Variants in GALNTL6 observed in about 807,000 individuals in gnomAD.
GALNTL6 encodes polypeptide N-acetylgalactosaminyltransferase-like 6.
GALNTL6 carries 46 observed loss-of-function variants against 73.7 expected under a neutral mutation model. That is an observed-to-expected ratio of 0.62 (90% confidence interval 0.49 to 0.80). The LOEUF is 0.80. Among genes scored for constraint, GALNTL6 ranks in the 30% least tolerant of loss-of-function variants. The pLI, the probability that GALNTL6 is intolerant of heterozygous loss-of-function variation, is 0.00. For synonymous variants in GALNTL6, 259 were observed against 263.7 expected (o/e 0.98, Z 0.17); for missense variants, 604 against 755.0 (o/e 0.80, Z 2.34).
At chr4:172,769,076 T>G (rs1738606440) in intron 5 of GALNTL6, among the ~76,000 whole-genome samples, 1 of 152,070 alleles carries the variant, frequency 6.6e-6, no homozygotes, top group Non-Finnish European at 1.5e-5. Flanking sequence ...TAGCAAGTGA[T>G]AAACTTTTTA....
intron 2 of GALNTL6, among the ~76,000 whole-genome samples, chr4:171,912,558 T>C (rs143667384): frequency 3.9e-5 from 6 of 152,346 alleles, no homozygotes; most frequent in Non-Finnish European, 5.9e-5. Flanking sequence ...GTTGGGAACA[T>C]TTCAATTATT....
intron 3 of GALNTL6, among the ~76,000 whole-genome samples, chr4:172,260,406 G>A (rs1181953965): frequency 6.6e-6 from 1 of 151,632 alleles, no homozygotes; most frequent in Non-Finnish European, 1.5e-5. Context: ...TTCTCAGCTT[G>A]GTAGCTGTTG....
chr4:171,947,952 A>T (rs1738752501), intron 2 of GALNTL6, among the ~76,000 whole-genome samples: 1 of 152,166 alleles, frequency 6.6e-6, no homozygotes, highest in Non-Finnish European at 1.5e-5. Context: ...ACTCTTGAAG[A>T]ATTTTCATAT....
At position 171,902,830 on chromosome 4, in the gene GALNTL6, G is replaced by A. The variant is rs140469716; in HGVS notation, c.138+88112G>A. Among the ~76,000 whole-genome samples the A allele has an allele frequency of 3.5e-3, 534 of 152,174 alleles. 1 individual carries two copies. The highest frequency in any genetic ancestry group is 0.012 in the African/African-American group (506 of 41,510). ...TCTTGGAGGGACAGAAAATGGAAAG[G>A]ATACTTAACATATAGTAAATATGAT... is the stretch of plus-strand genomic sequence containing the variant. On this transcript the variant is annotated intron_variant, in intron 2 of 12. Transcript: ENST00000506823.
intron 5 of GALNTL6, among the ~76,000 whole-genome samples, chr4:172,787,940 G>A (rs779844420): frequency 2.6e-5 from 4 of 152,098 alleles, no homozygotes; most frequent in Non-Finnish European, 4.4e-5. Context: ...TAATTTTAGA[G>A]ACAATAGAAA....
intron 4 of GALNTL6, among the ~76,000 whole-genome samples, chr4:172,333,082 C>G (rs554105033): frequency 6.6e-6 from 1 of 152,278 alleles, no homozygotes; most frequent in Admixed American, 6.5e-5. Flanking sequence ...TTATATACCA[C>G]TTGGTCATTT....
chr4:171,947,627 C>T (rs2111024922), intron 2 of GALNTL6, among the ~76,000 whole-genome samples: 1 of 152,246 alleles, frequency 6.6e-6, no homozygotes. Flanking sequence ...TCCCTCAGTC[C>T]TGTCTACAAA....
intron 5 of GALNTL6, among the ~76,000 whole-genome samples, chr4:172,738,479 A>T (rs1736597369): frequency 6.6e-6 from 1 of 152,124 alleles, no homozygotes; most frequent in South Asian, 2.1e-4. Flanking sequence ...ATAAAAATAT[A>T]TTTTTTTAAT....
At chr4:172,690,098 G>C (rs1396161588) in intron 5 of GALNTL6, among the ~76,000 whole-genome samples, 5 of 152,172 alleles carry the variant, frequency 3.3e-5, no homozygotes, top group East Asian at 3.9e-4. Flanking sequence ...ATGAAGGAAA[G>C]TTTAGAAAAA....
At chr4:172,709,138 A>C (rs760053451) in intron 5 of GALNTL6, among the ~76,000 whole-genome samples, 16 of 152,168 alleles carry the variant, frequency 1.1e-4, no homozygotes, top group Non-Finnish European at 1.8e-4. Flanking sequence ...TGATGATCAC[A>C]TGCAGGTTTT....
chr4:172,531,354 A>G lies in GALNTL6; in HGVS notation c.553+182665A>G, dbSNP rs561580833. 3.3e-4 allele frequency among the ~76,000 whole-genome samples: 50 copies of G among 152,342 alleles called. No individual in the cohort carries two copies. In the South Asian group the frequency reaches 3.5e-3, roughly 11 times the overall value. ...GAATTAAAAACTAGAATTTTCTCCA[A>G]GCTTTTTAACCATTGAGAGAAATGC... On this transcript the variant is annotated intron_variant, in intron 5 of 12. Transcript: ENST00000506823.
intron 2 of GALNTL6, among the ~76,000 whole-genome samples, chr4:172,159,411 A>C (rs1734385368): frequency 6.6e-6 from 1 of 152,202 alleles, no homozygotes; most frequent in African/African-American, 2.4e-5. Flanking sequence ...AAGATGTATT[A>C]GATGTTTTGA....
Position 172,700,321 on chromosome 4 carries a change from C to A in GALNTL6, c.554-109040C>A, listed in dbSNP as rs114502070. 7.5e-3 allele frequency among the ~76,000 whole-genome samples: 1,139 copies of A among 152,156 alleles called. 11 individuals are homozygous for A. Among genetic ancestry groups the A allele is most frequent in the African/African-American group, 0.026 (1,084 of 41,516 alleles). On this transcript the variant is annotated intron_variant, in intron 5 of 12. Transcript: ENST00000506823. ...TGGACATTTCTAGATCTCAACAAGA[C>A]AATCTATTTAATAACATTGTTAAAA...
At chr4:172,830,881 C>A (rs73871869) in intron 7 of GALNTL6, among the ~76,000 whole-genome samples, 2 of 151,964 alleles carry the variant, frequency 1.3e-5, no homozygotes, top group African/African-American at 4.8e-5. Flanking sequence ...CACAATCAGG[C>A]GGGAGCAGTA....
intron 5 of GALNTL6, among the ~76,000 whole-genome samples, chr4:172,465,084 G>C (rs905915302): frequency 6.6e-6 from 1 of 152,112 alleles, no homozygotes; most frequent in African/African-American, 2.4e-5. Flanking sequence ...TGCAATCTTT[G>C]ACATCTTTTA....
intron 2 of GALNTL6, among the ~76,000 whole-genome samples, chr4:172,136,843 C>A (rs1208219953): frequency 6.6e-6 from 1 of 151,876 alleles, no homozygotes; most frequent in Non-Finnish European, 1.5e-5. Context: ...ACCAACCATG[C>A]AAAGAAAGAG....
intron 5 of GALNTL6, among the ~76,000 whole-genome samples, chr4:172,737,714 G>T (rs773529654): frequency 8.5e-5 from 13 of 152,124 alleles, no homozygotes; most frequent in Non-Finnish European, 1.6e-4. Flanking sequence ...TGGAGAATTA[G>T]TTATTTATTC....
At chr4:172,868,818 C>G (rs934178711) in intron 7 of GALNTL6, among the ~76,000 whole-genome samples, 3 of 152,006 alleles carry the variant, frequency 2.0e-5, no homozygotes, top group African/African-American at 7.2e-5. Flanking sequence ...GAGTATTGCA[C>G]AAATCTAAAA....
intron 5 of GALNTL6, among the ~76,000 whole-genome samples, chr4:172,705,380 A>G (rs1244080303): frequency 6.6e-6 from 1 of 151,314 alleles, no homozygotes; most frequent in Non-Finnish European, 1.5e-5. Context: ...TAAAACATTT[A>G]TGTTTTTAAC....
Sources: gnomAD v4.1 joint callset for allele counts (sites outside exome capture counted in the v4.1 genomes callset) on GRCh38, gnomAD v4.1.1 for gene constraint, MANE v1.5 for transcripts, NCBI Gene and HGNC (gene_info 2026-07-23, HGNC 2026-07-21) for gene names.